Variants in FABP7 observed in about 807,000 individuals in gnomAD.
FABP7 encodes fatty acid binding protein 7.
A neutral mutation model predicts 14.2 loss-of-function variants in FABP7; 13 were observed. The observed-to-expected ratio is 0.91, with a 90% CI of 0.59 to 1.45. The LOEUF (loss-of-function observed/expected upper bound fraction) is 1.45. Ranked by LOEUF, FABP7 falls within the 40% of genes most tolerant of loss-of-function variation. The pLI, the probability that FABP7 is intolerant of heterozygous loss-of-function variation, is 0.00. For missense variants in FABP7, 149 were observed against 157.6 expected, an observed-to-expected ratio of 0.95 and a Z score of 0.29; for synonymous variants, 49 against 51.4, an observed-to-expected ratio of 0.95 and a Z score of 0.20.
upstream of FABP7, among the ~76,000 whole-genome samples, chr6:122,778,416 T>C (rs895986578): frequency 1.2e-4 from 19 of 152,288 alleles, no homozygotes; most frequent in African/African-American, 4.1e-4. Flanking sequence ...AGAAGAATCA[T>C]GTAGCCGCCA....
At chr6:122,782,542 G>A (rs896515404) in intron 3 of FABP7, 7 of 984,600 alleles carry the variant, frequency 7.1e-6, no homozygotes, top group African/African-American at 5.2e-5. Context: ...CACAAACTAG[G>A]AGAAATATTA....
the FABP7 span, among the ~76,000 whole-genome samples, chr6:122,755,385 G>A: frequency 4.8e-3 from 722 of 150,864 alleles, 5 homozygotes; most frequent in Middle Eastern, 0.025. Context: ...ATATTATAAA[G>A]TGTGAATTTT....
the FABP7 span, among the ~76,000 whole-genome samples, chr6:122,770,808 A>G: frequency 2.6e-5 from 4 of 152,152 alleles, no homozygotes; most frequent in African/African-American, 7.2e-5. Flanking sequence ...TAACAAACAC[A>G]TTTAAAAAAT....
chr6:122,751,216 T>C, the FABP7 span, among the ~76,000 whole-genome samples: 44 of 152,352 alleles, frequency 2.9e-4, no homozygotes, highest in East Asian at 7.7e-3. Flanking sequence ...TTCTCATCCA[T>C]AAAGTGAGTA....
the FABP7 span, among the ~76,000 whole-genome samples, chr6:122,761,942 G>A: frequency 3.3e-5 from 5 of 152,260 alleles, no homozygotes; most frequent in South Asian, 2.1e-4. Context: ...CGGATTCACA[G>A]CCAAATTCTA....
intron 3 of FABP7, chr6:122,782,913 C>G: frequency 1.0e-6 from 1 of 985,352 alleles, no homozygotes; most frequent in Non-Finnish European, 1.2e-6. Flanking sequence ...CTCTGAAGTT[C>G]TCCTTTATGC....
At chr6:122,751,498 G>A in the FABP7 span, among the ~76,000 whole-genome samples, 1 of 152,132 alleles carries the variant, frequency 6.6e-6, no homozygotes, top group Non-Finnish European at 1.5e-5. Flanking sequence ...CTTCCACATA[G>A]TTACTACCAC....
intron 3 of FABP7, 94 bp from the exon 4 acceptor site, chr6:122,783,623 T>C: frequency 1.4e-6 from 2 of 1,479,784 alleles, no homozygotes; most frequent in Non-Finnish European, 1.8e-6. Context: ...GTCATTCTTT[T>C]GCATAATACT....
At chr6:122,772,291 T>C in the FABP7 span, among the ~76,000 whole-genome samples, 20 of 152,300 alleles carry the variant, frequency 1.3e-4, no homozygotes, top group African/African-American at 4.8e-4. Context: ...TCAGTCACTA[T>C]GTCAGATCTA....
chr6:122,781,559 T>C lies in FABP7; in HGVS notation c.348+365T>C, dbSNP rs1473633003. 13 of 1,247,278 alleles carry C rather than the reference T, an allele frequency of 1.0e-5. No homozygotes were observed. In the Admixed American group the frequency reaches 2.9e-4, roughly 28 times the overall value. The allele number at this position is 1,247,278 out of a possible 1,614,324, so 77.3% of individuals were successfully genotyped here. On this transcript the variant is annotated intron_variant, in intron 3 of 3. Transcript: ENST00000368444. ...CCATAATCACTGAAATATATAAAGATAATTGCTATTATAAGAGAATCTCAG... is the reference window on the plus strand; with the variant it reads ...CCATAATCACTGAAATATATAAAGACAATTGCTATTATAAGAGAATCTCAG...
intron 3 of FABP7, chr6:122,782,212 T>G (rs1254415815): frequency 1.0e-6 from 1 of 980,136 alleles, no homozygotes; most frequent in African/African-American, 1.8e-5. Flanking sequence ...AGAGGATTTA[T>G]TAGTGTCCTA....
chr6:122,751,341 T>C, the FABP7 span, among the ~76,000 whole-genome samples: 2 of 152,202 alleles, frequency 1.3e-5, no homozygotes, highest in East Asian at 3.9e-4. Context: ...TGTGCTTCTA[T>C]TCTTACTGCC....
chr6:122,781,585 A>G (rs540486269), intron 3 of FABP7: 2 of 1,193,734 alleles, frequency 1.7e-6, no homozygotes, highest in African/African-American at 3.1e-5. Flanking sequence ...AGAATCTCAG[A>G]CAGATGACTT....
chr6:122,781,235 C>T (rs2115145211), intron 3 of FABP7, 41 bp downstream of exon 3: 1 of 1,601,432 alleles, frequency 6.2e-7, no homozygotes, highest in Non-Finnish European at 8.5e-7. Flanking sequence ...GTTTTTTTCT[C>T]CTCTCCGCAC....
At chr6:122,761,218 G>A in the FABP7 span, among the ~76,000 whole-genome samples, 1 of 152,132 alleles carries the variant, frequency 6.6e-6, no homozygotes, top group Non-Finnish European at 1.5e-5. Flanking sequence ...ATACACAGTG[G>A]AAGACCTCTT....
chr6:122,762,523 G>T, the FABP7 span, among the ~76,000 whole-genome samples: 5 of 152,174 alleles, frequency 3.3e-5, no homozygotes, highest in Non-Finnish European at 5.9e-5. Flanking sequence ...TCAACATCGT[G>T]TTGGAAGTTC....
intron 3 of FABP7, chr6:122,781,740 C>CTTTTTTT (rs34336029): frequency 4.5e-5 from 33 of 741,072 alleles, no homozygotes; most frequent in South Asian, 6.4e-5. Flanking sequence ...AGTGATAACC[C>CTTTTTTT]TTTTTTTTTT....
the FABP7 span, among the ~76,000 whole-genome samples, chr6:122,768,869 A>G: frequency 6.6e-6 from 1 of 152,168 alleles, no homozygotes; most frequent in Non-Finnish European, 1.5e-5. Flanking sequence ...ACATTACTCT[A>G]GATTAGAAAT....
the FABP7 span, among the ~76,000 whole-genome samples, chr6:122,755,475 T>TTC: frequency 6.7e-6 from 1 of 149,704 alleles, no homozygotes; most frequent in Non-Finnish European, 1.5e-5. Context: ...TTTTTTTTTT[T>TTC]TGAGACGGAG....
Sources: gnomAD v4.1 joint callset for allele counts (sites outside exome capture counted in the v4.1 genomes callset) on GRCh38, gnomAD v4.1.1 for gene constraint, MANE v1.5 for transcripts, NCBI Gene and HGNC (gene_info 2026-07-23, HGNC 2026-07-21) for gene names.